Variants in CNTNAP5 observed in about 807,000 individuals in gnomAD.
CNTNAP5 encodes contactin-associated protein-like 5.
In CNTNAP5, 72 loss-of-function variants were observed where a neutral mutation model predicts 150.2. That is an observed-to-expected ratio of 0.48 (90% CI 0.40 to 0.58). The LOEUF (loss-of-function observed/expected upper bound fraction) is 0.58. Among genes scored for constraint, CNTNAP5 ranks in the 20% least tolerant of loss-of-function variants. The pLI is 0.00. For missense variants in CNTNAP5, 1,636 were observed against 1,626.2 expected (o/e 1.01, Z -0.10); for synonymous variants, 672 against 619.8 (o/e 1.08, Z -1.25).
At chr2:124,878,571 C>G (rs1022199352) in intron 21 of CNTNAP5, among the ~76,000 whole-genome samples, 3 of 152,046 alleles carry the variant, frequency 2.0e-5, no homozygotes, top group Non-Finnish European at 4.4e-5. Context: ...TTAAATTTTA[C>G]TCTTCTCTCC....
chr2:124,867,617 G>A (rs142180140), intron 20 of CNTNAP5, among the ~76,000 whole-genome samples: 1 of 151,994 alleles, frequency 6.6e-6, no homozygotes, highest in Non-Finnish European at 1.5e-5. Flanking sequence ...GCTCACTCTT[G>A]TCTCTTTTGT....
At chr2:124,663,293 A>G (rs527771456) in intron 13 of CNTNAP5, among the ~76,000 whole-genome samples, 26 of 152,198 alleles carry the variant, frequency 1.7e-4, no homozygotes, top group Non-Finnish European at 3.4e-4. Context: ...ACTGTGCCAA[A>G]CCTAGACTGG....
At chr2:124,420,218 T>C (rs751825270) in intron 4 of CNTNAP5, among the ~76,000 whole-genome samples, 2 of 151,882 alleles carry the variant, frequency 1.3e-5, no homozygotes, top group Non-Finnish European at 2.9e-5. Flanking sequence ...CTCGAACTCC[T>C]GACCTCGTGA....
At chr2:124,283,512 C>G (rs1688068916) in intron 3 of CNTNAP5, among the ~76,000 whole-genome samples, 2 of 152,096 alleles carry the variant, frequency 1.3e-5, no homozygotes, top group Admixed American at 1.3e-4. Context: ...TAAGCCAACT[C>G]TGGTTGCAGA....
chr2:124,350,271 A>C (rs1316798456), intron 3 of CNTNAP5, among the ~76,000 whole-genome samples: 1 of 152,188 alleles, frequency 6.6e-6, no homozygotes, highest in African/African-American at 2.4e-5. Context: ...CCTTTGTTCC[A>C]AAGTAAATTT....
chr2:124,679,963 C>T (rs1264583981), intron 13 of CNTNAP5, among the ~76,000 whole-genome samples: 1 of 151,730 alleles, frequency 6.6e-6, no homozygotes, highest in South Asian at 2.1e-4. Context: ...AAGTTCGAGA[C>T]CCCCGCCCCC....
chr2:124,667,308 A>T (rs1678721338), intron 13 of CNTNAP5, among the ~76,000 whole-genome samples: 1 of 152,194 alleles, frequency 6.6e-6, no homozygotes, highest in South Asian at 2.1e-4. Flanking sequence ...TTTAATGTAC[A>T]CGTGTGTACT....
intron 13 of CNTNAP5, among the ~76,000 whole-genome samples, chr2:124,674,509 C>CCCTTTCTTTCTTTCTT (rs1553430172): frequency 3.5e-5 from 4 of 115,366 alleles, no homozygotes; most frequent in Admixed American, 9.9e-5. Context: ...TTCTTTCTTT[C>CCCTTTCTTTCTTTCTT]TCTTTCTTTC....
chr2:124,181,145 T>A (rs1214921971), intron 1 of CNTNAP5, among the ~76,000 whole-genome samples: 3 of 147,898 alleles, frequency 2.0e-5, no homozygotes, highest in Non-Finnish European at 4.5e-5. Flanking sequence ...TGTATTTAAT[T>A]CCATCTAAAT....
rs114009480 is a variant in CNTNAP5 at position 124,847,685 on chromosome 2, C to T, written c.3218-17621C>T. Among the ~76,000 whole-genome samples the T allele has an allele frequency of 5.2e-3, 795 of 152,216 alleles. 14 individuals carry two copies. The highest frequency in any genetic ancestry group is 0.018 in the African/African-American group (729 of 41,534). On this transcript the variant is annotated intron_variant, in intron 19 of 23. Transcript: ENST00000682447. ...TGGTAGTTCTTGGAGCAAAAGTTTA[C>T]GACGTGAGTCTCCACACACTGCTCT...
rs1331291939 is a variant in CNTNAP5, at chr2:124,664,335, A to C, written c.2077+16377A>C. On this transcript the variant is annotated intron_variant, in intron 13 of 23. Coordinates refer to ENST00000682447, the MANE Select transcript of CNTNAP5 (RefSeq NM_001367498.1). ...GAGACCCTGTCTCAAGAAAAAAAAA[A>C]AAAAAAAAGGAAAGAAAAAGCTTAA... Among the ~76,000 whole-genome samples, 4 of 151,926 alleles carry C rather than the reference A, an allele frequency of 2.6e-5. No homozygotes were observed. The East Asian group carries it at 5.8e-4, about 22-fold the overall frequency.
intron 3 of CNTNAP5, among the ~76,000 whole-genome samples, chr2:124,373,873 G>A (rs938682135): frequency 6.8e-6 from 1 of 147,800 alleles, no homozygotes; most frequent in South Asian, 2.1e-4. Flanking sequence ...ATAGAATGAT[G>A]TACTAAGCTA....
chr2:124,506,064 C>A (rs1169083333), intron 8 of CNTNAP5, among the ~76,000 whole-genome samples: 1 of 151,962 alleles, frequency 6.6e-6, no homozygotes, highest in African/African-American at 2.4e-5. Context: ...GAAGCCAAGG[C>A]AATATTAATA....
intron 5 of CNTNAP5, among the ~76,000 whole-genome samples, chr2:124,438,432 C>T (rs1476849303): frequency 6.6e-6 from 1 of 152,134 alleles, no homozygotes; most frequent in Non-Finnish European, 1.5e-5. Flanking sequence ...AACAATAGTA[C>T]ATGCAGGTCA....
chr2:124,145,835 A>AAAAAAAAAAAAAAAAG (rs1684235103), intron 1 of CNTNAP5, among the ~76,000 whole-genome samples: 1 of 49,796 alleles, frequency 2.0e-5, no homozygotes, highest in Non-Finnish European at 3.5e-5. Flanking sequence ...AAAAGAAGAA[A>AAAAAAAAAAAAAAAAG]AAAAAAAAAA....
Position 124,916,442 on chromosome 2 carries a change from C to A in CNTNAP5, c.*2154C>A, listed in dbSNP as rs767315291. 2.6e-5 allele frequency among the ~76,000 whole-genome samples: 4 copies of A among 151,812 alleles called. No individual in the cohort carries two copies. Among genetic ancestry groups the A allele is most frequent in the Non-Finnish European group, 4.4e-5 (3 of 67,968 alleles). On this transcript the variant is annotated 3_prime_UTR_variant, in exon 24 of 24. Coordinates refer to ENST00000682447, the MANE Select transcript of CNTNAP5 (RefSeq NM_001367498.1). Reference sequence around the variant, plus strand: ...TTGCTTGGCTATATATTCCTTTGTCCCCTGAAATAAAAGTCACCATGAAGT... The same window carrying A: ...TTGCTTGGCTATATATTCCTTTGTCACCTGAAATAAAAGTCACCATGAAGT...
intron 19 of CNTNAP5, among the ~76,000 whole-genome samples, chr2:124,828,983 A>C (rs1682658097): frequency 6.6e-6 from 1 of 152,002 alleles, no homozygotes; most frequent in South Asian, 2.1e-4. Flanking sequence ...CCAGAATCAC[A>C]CCAAGGTTTT....
intron 1 of CNTNAP5, among the ~76,000 whole-genome samples, chr2:124,117,261 A>C (rs1393429108): frequency 1.3e-5 from 2 of 152,180 alleles, no homozygotes; most frequent in Non-Finnish European, 2.9e-5. Context: ...CACATTTCCT[A>C]ATCCCACTTT....
At chr2:124,030,623 A>G (rs559019580) in intron 1 of CNTNAP5, among the ~76,000 whole-genome samples, 34 of 152,114 alleles carry the variant, frequency 2.2e-4, no homozygotes, top group Admixed American at 5.2e-4. Flanking sequence ...AGTAGCAGTT[A>G]GCACCACAGC....
Sources: gnomAD v4.1 joint callset for allele counts (sites outside exome capture counted in the v4.1 genomes callset) on GRCh38, gnomAD v4.1.1 for gene constraint, MANE v1.5 for transcripts, NCBI Gene and HGNC (gene_info 2026-07-23, HGNC 2026-07-21) for gene names.